Variants in SGMS1 observed in about 807,000 individuals in gnomAD.
SGMS1 encodes sphingomyelin synthase 1.
A neutral mutation model predicts 46.2 loss-of-function variants in SGMS1; 13 were observed. The ratio of observed to expected loss-of-function variants is 0.28; its 90% CI spans 0.18 to 0.45. The LOEUF (loss-of-function observed/expected upper bound fraction) is 0.45, where lower values mean the gene tolerates loss of function less well. Ranked by LOEUF, SGMS1 falls within the 20% of genes least tolerant of loss-of-function variation. SGMS1 has a pLI of 1.00. For missense variants in SGMS1, 324 were observed against 519.9 expected (o/e 0.62, Z 3.66); for synonymous variants, 203 against 187.8 (o/e 1.08, Z -0.66).
chr10:50,503,094 TATTCCTTA>T (rs1837675703), intron 3 of SGMS1, among the ~76,000 whole-genome samples: 1 of 152,234 alleles, frequency 6.6e-6, no homozygotes, highest in Non-Finnish European at 1.5e-5. Flanking sequence ...GAGAATCCTT[TATTCCTTA>T]AAGACATGTG....
chr10:50,442,455 C>T (rs1849558371), intron 5 of SGMS1, among the ~76,000 whole-genome samples: 2 of 152,074 alleles, frequency 1.3e-5, no homozygotes, highest in African/African-American at 2.4e-5. Context: ...TTTCTGTTCC[C>T]ACATTAGTTT....
chr10:50,586,429 A>T (rs889276017), intron 2 of SGMS1, among the ~76,000 whole-genome samples: 5 of 152,244 alleles, frequency 3.3e-5, no homozygotes, highest in Non-Finnish European at 7.3e-5. Flanking sequence ...CCACTGCCAT[A>T]CCTGTGAATT....
intron 2 of SGMS1, among the ~76,000 whole-genome samples, chr10:50,532,685 T>C (rs1404109522): frequency 2.0e-5 from 3 of 152,216 alleles, no homozygotes; most frequent in Non-Finnish European, 4.4e-5. Flanking sequence ...GCCCTAAAAT[T>C]GCTAAAAGAC....
At chr10:50,524,154 C>T (rs1837879382) in intron 2 of SGMS1, among the ~76,000 whole-genome samples, 1 of 152,234 alleles carries the variant, frequency 6.6e-6, no homozygotes. Context: ...GTACCCCTCA[C>T]TGTCCAGGCA....
At chr10:50,596,521 A>C (rs748339133) in intron 1 of SGMS1, among the ~76,000 whole-genome samples, 12 of 152,226 alleles carry the variant, frequency 7.9e-5, no homozygotes, top group Non-Finnish European at 1.6e-4. Flanking sequence ...ATTCTGGCCT[A>C]CTGTAAGCAC....
At chr10:50,355,492 C>G (rs1848127739) in intron 6 of SGMS1, among the ~76,000 whole-genome samples, 1 of 152,236 alleles carries the variant, frequency 6.6e-6, no homozygotes, top group South Asian at 2.1e-4. Context: ...CCGGGCTGGT[C>G]TCCAGCTCCT....
At chr10:50,580,930 C>T (rs1564436901) in intron 2 of SGMS1, among the ~76,000 whole-genome samples, 1 of 152,066 alleles carries the variant, frequency 6.6e-6, no homozygotes, top group Non-Finnish European at 1.5e-5. Flanking sequence ...GTTTTTACTA[C>T]AATATGTTTT....
intron 8 of SGMS1, among the ~76,000 whole-genome samples, chr10:50,322,555 G>A (rs1005882307): frequency 1.3e-5 from 2 of 152,118 alleles, no homozygotes; most frequent in Non-Finnish European, 2.9e-5. Context: ...AAGAGGGGCC[G>A]GGCGCGGTGG....
intron 7 of SGMS1, among the ~76,000 whole-genome samples, chr10:50,337,552 G>T (rs533182832): frequency 6.6e-6 from 1 of 152,274 alleles, no homozygotes; most frequent in East Asian, 1.9e-4. Flanking sequence ...GTGTCTGTGG[G>T]TCATAAACTA....
intron 3 of SGMS1, among the ~76,000 whole-genome samples, chr10:50,489,744 G>T (rs936499547): frequency 1.2e-4 from 18 of 152,178 alleles, no homozygotes; most frequent in African/African-American, 3.9e-4. Context: ...GGGAGGCTAA[G>T]GTGGGTAGAT....
intron 3 of SGMS1, among the ~76,000 whole-genome samples, chr10:50,490,967 G>A (rs952607447): frequency 6.6e-6 from 1 of 152,102 alleles, no homozygotes; most frequent in African/African-American, 2.4e-5. Context: ...GTAAAAAAGA[G>A]TAGTGCTTAT....
chr10:50,599,124 C>T (rs1476635848), intron 1 of SGMS1, among the ~76,000 whole-genome samples: 1 of 152,144 alleles, frequency 6.6e-6, no homozygotes, highest in Non-Finnish European at 1.5e-5. Flanking sequence ...ACTCAAGAAT[C>T]AAATGCTGAA....
At chr10:50,614,440 G>A (rs1234129283) in intron 1 of SGMS1, among the ~76,000 whole-genome samples, 1 of 152,222 alleles carries the variant, frequency 6.6e-6, no homozygotes, top group Non-Finnish European at 1.5e-5. Context: ...ACTGTAACTA[G>A]AAGTAGTAGC....
At chr10:50,623,676 G>T in intron 1 of SGMS1, 31 bp downstream of exon 1, 2 of 985,414 alleles carry the variant, frequency 2.0e-6, no homozygotes, top group Non-Finnish European at 2.4e-6. Context: ...CAACCGTGAG[G>T]CCGGCTGTCT....
intron 1 of SGMS1, among the ~76,000 whole-genome samples, chr10:50,606,040 A>G (rs912451215): frequency 1.1e-4 from 16 of 152,214 alleles, no homozygotes; most frequent in African/African-American, 3.9e-4. Context: ...ATATTTGTAC[A>G]CCTGTGTTCA....
At position 50,344,219 on chromosome 10, in the gene SGMS1, G is replaced by A. The variant is rs879129197; in HGVS notation, c.-105C>T. On this transcript the variant is annotated 5_prime_UTR_variant, in exon 7 of 11. Coordinates refer to ENST00000361781, the MANE Select transcript of SGMS1 (RefSeq NM_147156.4). ...CCTGCCTCGGCTCGTTCATCCTGTGGGGCCTCATGAGCAGAGACTTGTTTG... is the reference window on the plus strand; with the variant it reads ...CCTGCCTCGGCTCGTTCATCCTGTGAGGCCTCATGAGCAGAGACTTGTTTG... The A allele has an allele frequency of 3.5e-6, 5 of 1,439,766 alleles. No homozygotes were observed. In the South Asian group the frequency reaches 7.1e-5, roughly 20 times the overall value. The allele number at this position is 1,439,766 out of a possible 1,614,324, so 89.2% of individuals were successfully genotyped here.
chr10:50,601,367 A>G (rs1838648413), intron 1 of SGMS1, among the ~76,000 whole-genome samples: 1 of 152,226 alleles, frequency 6.6e-6, no homozygotes, highest in African/African-American at 2.4e-5. Context: ...ACCTCATGTA[A>G]AGGAAGTCAC....
rs76591327 is a variant in SGMS1, at chr10:50,381,608, T to A, written c.-231-37263A>T. Among the ~76,000 whole-genome samples the A allele has an allele frequency of 9.4e-3, 1,433 of 152,342 alleles. 27 individuals are homozygous for A. Among genetic ancestry groups the A allele is most frequent in the African/African-American group, 0.033 (1,366 of 41,570 alleles). On this transcript the variant is annotated intron_variant, in intron 6 of 10. Transcript: ENST00000361781. The stretch of plus-strand genomic sequence containing the variant: ...CTTCAGTTTGAGATGATGAAAATGA[T>A]GATTCTACAACAATATGAAAAATGA...
At chr10:50,473,143 T>TAAC (rs1335215966) in intron 3 of SGMS1, among the ~76,000 whole-genome samples, 27 of 151,584 alleles carry the variant, frequency 1.8e-4, no homozygotes, top group African/African-American at 5.9e-4. Context: ...CTAAAACTGT[T>TAAC]AATGCTTAAA....
Sources: gnomAD v4.1 joint callset for allele counts (sites outside exome capture counted in the v4.1 genomes callset) on GRCh38, gnomAD v4.1.1 for gene constraint, MANE v1.5 for transcripts, NCBI Gene and HGNC (gene_info 2026-07-23, HGNC 2026-07-21) for gene names.